CALN1: variants seen among roughly 807,000 people sequenced by gnomAD.
CALN1 encodes the protein calcium-binding protein 8.
In CALN1, 17 loss-of-function variants were observed where a neutral mutation model predicts 30.6. The ratio of observed to expected loss-of-function variants is 0.56; its 90% CI spans 0.38 to 0.83. The LOEUF (loss-of-function observed/expected upper bound fraction) is 0.83. Ranked by LOEUF, CALN1 falls within the 40% of genes least tolerant of loss-of-function variation. The probability of loss-of-function intolerance (pLI) is 0.00; values close to 1 mark genes in which losing one functional copy is unlikely to be tolerated. For synonymous variants in CALN1, 156 were observed against 131.4 expected (o/e 1.19, Z -1.28); for missense variants, 291 against 354.9 (o/e 0.82, Z 1.45).
the CALN1 span, among the ~76,000 whole-genome samples, chr7:72,492,493 C>T: frequency 3.9e-5 from 6 of 152,092 alleles, no homozygotes; most frequent in Admixed American, 6.6e-5. Flanking sequence ...GATGGAGCAA[C>T]GCAGATCTTG....
intron 5 of CALN1, among the ~76,000 whole-genome samples, chr7:71,962,313 G>A (rs926845254): frequency 3.3e-5 from 5 of 152,132 alleles, no homozygotes; most frequent in African/African-American, 1.2e-4. Flanking sequence ...TGAGGCAGGA[G>A]GATCACTTGA....
intron 2 of CALN1, chr7:72,336,641 C>T: frequency 3.1e-6 from 3 of 964,786 alleles, no homozygotes; most frequent in African/African-American, 1.8e-5. Context: ...GAAGCGAGGA[C>T]CGAGGGAAGA....
the CALN1 span, among the ~76,000 whole-genome samples, chr7:72,502,599 C>T: frequency 7.9e-5 from 12 of 152,050 alleles, no homozygotes; most frequent in Non-Finnish European, 1.5e-4. Context: ...ATTTAAACTA[C>T]TATTTCTTGA....
At chr7:72,474,685 C>CA in the CALN1 span, among the ~76,000 whole-genome samples, 552 of 133,098 alleles carry the variant, frequency 4.1e-3, no homozygotes, top group East Asian at 0.015. Flanking sequence ...GATCTTGTCC[C>CA]AAAAAAAAAA....
At chr7:72,153,922 G>A (rs1787456504) in intron 3 of CALN1, among the ~76,000 whole-genome samples, 1 of 152,124 alleles carries the variant, frequency 6.6e-6, no homozygotes. Flanking sequence ...CTCTTGACAT[G>A]AGACTTTCAT....
At chr7:72,380,655 C>T (rs1303046154) in intron 2 of CALN1, among the ~76,000 whole-genome samples, 1 of 151,530 alleles carries the variant, frequency 6.6e-6, no homozygotes, top group East Asian at 1.9e-4. Flanking sequence ...TAGACGGCTG[C>T]TCAGTGGGTT....
At chr7:72,116,084 A>G (rs536593765) in intron 3 of CALN1, among the ~76,000 whole-genome samples, 15 of 152,266 alleles carry the variant, frequency 9.9e-5, no homozygotes, top group Non-Finnish European at 1.5e-5. Context: ...ACTTTTAAAA[A>G]GGGATTGTGA....
At chr7:72,066,022 C>A (rs1376622259) in intron 4 of CALN1, among the ~76,000 whole-genome samples, 1 of 152,270 alleles carries the variant, frequency 6.6e-6, no homozygotes, top group Non-Finnish European at 1.5e-5. Context: ...TCCCATCATT[C>A]TGTGGATCCA....
intron 1 of CALN1, among the ~76,000 whole-genome samples, chr7:72,406,093 G>A (rs755106570): frequency 1.7e-4 from 26 of 152,168 alleles, no homozygotes; most frequent in Admixed American, 8.5e-4. Context: ...CGGCACTCGC[G>A]ATGTGCCAGA....
At chr7:72,495,069 G>A in the CALN1 span, among the ~76,000 whole-genome samples, 110 of 152,246 alleles carry the variant, frequency 7.2e-4, no homozygotes, top group African/African-American at 2.5e-3. Flanking sequence ...TCAATCCAAT[G>A]AGGGAGGGAC....
At chr7:72,184,970 T>A (rs73355377) in intron 3 of CALN1, among the ~76,000 whole-genome samples, 1 of 151,940 alleles carries the variant, frequency 6.6e-6, no homozygotes, top group African/African-American at 2.4e-5. Flanking sequence ...TTTTATTTTA[T>A]TTTAATTTTT....
intron 3 of CALN1, among the ~76,000 whole-genome samples, chr7:72,172,243 C>T (rs914030252): frequency 2.0e-5 from 3 of 152,140 alleles, no homozygotes; most frequent in Admixed American, 6.5e-5. Context: ...CAAGGCTTTT[C>T]GAGAGTAAAA....
intron 2 of CALN1, among the ~76,000 whole-genome samples, chr7:72,363,475 G>C (rs1355391289): frequency 6.6e-6 from 1 of 152,064 alleles, no homozygotes; most frequent in African/African-American, 2.4e-5. Flanking sequence ...CTGACCTCAG[G>C]TGATCTGCCT....
At chr7:72,472,205 A>T in the CALN1 span, among the ~76,000 whole-genome samples, 3 of 152,160 alleles carry the variant, frequency 2.0e-5, no homozygotes, top group Non-Finnish European at 4.4e-5. Context: ...CCACTTTCTC[A>T]GCCATAGTCA....
chr7:72,440,781 C>T (rs1343159597), intron 1 of CALN1, among the ~76,000 whole-genome samples: 5 of 152,062 alleles, frequency 3.3e-5, no homozygotes, highest in East Asian at 1.9e-4. Flanking sequence ...GAGCTGAGAT[C>T]GCACCACTGC....
At chr7:72,014,240 C>T (rs1251666910) in intron 5 of CALN1, among the ~76,000 whole-genome samples, 1 of 152,046 alleles carries the variant, frequency 6.6e-6, no homozygotes, top group Non-Finnish European at 1.5e-5. Context: ...ATGTGCGCCA[C>T]CACGCCCAGC....
At chr7:71,847,442 G>A (rs1031255565) in intron 5 of CALN1, among the ~76,000 whole-genome samples, 2 of 151,758 alleles carry the variant, frequency 1.3e-5, no homozygotes, top group African/African-American at 4.8e-5. Context: ...CTGAGGTCAG[G>A]AGTTCAAGAC....
chr7:72,346,425 TCTTA>T (rs755847896), intron 2 of CALN1, among the ~76,000 whole-genome samples: 24 of 152,220 alleles, frequency 1.6e-4, no homozygotes, highest in Non-Finnish European at 3.1e-4. Flanking sequence ...GATGTAATAC[TCTTA>T]CTTGTTTCTC....
At chr7:71,977,194 A>C (rs144178284) in intron 5 of CALN1, among the ~76,000 whole-genome samples, 24 of 152,210 alleles carry the variant, frequency 1.6e-4, no homozygotes, top group African/African-American at 5.8e-4. Context: ...CAATGTCTCT[A>C]ATCTCAGTGC....
Sources: gnomAD v4.1 joint callset for allele counts (sites outside exome capture counted in the v4.1 genomes callset) on GRCh38, gnomAD v4.1.1 for gene constraint, MANE v1.5 for transcripts, NCBI Gene and HGNC (gene_info 2026-07-23, HGNC 2026-07-21) for gene names.